CACNA2D1: variants seen among roughly 807,000 people sequenced by gnomAD.
CACNA2D1 encodes calcium voltage-gated channel auxiliary subunit alpha2delta 1.
In CACNA2D1, 53 loss-of-function variants were observed where a neutral mutation model predicts 171.5. The observed-to-expected ratio is 0.31, with a 90% CI of 0.25 to 0.39. The LOEUF is 0.39. Ranked by LOEUF, CACNA2D1 falls within the 10% of genes least tolerant of loss-of-function variation. The probability of loss-of-function intolerance (pLI) is 1.00; values close to 1 mark genes in which losing one functional copy is unlikely to be tolerated. For missense variants in CACNA2D1, 903 were observed against 1,299.8 expected (o/e 0.69, Z 4.69); for synonymous variants, 442 against 443.1 (o/e 1.00, Z 0.03).
intron 3 of CACNA2D1, among the ~76,000 whole-genome samples, chr7:82,186,184 GAA>G: frequency 8.8e-6 from 1 of 113,180 alleles, no homozygotes; most frequent in African/African-American, 3.2e-5. Flanking sequence ...GAGAAGGAAG[GAA>G]GGAAGGGAGG....
At chr7:82,116,940 C>G in intron 6 of CACNA2D1, 104 bp downstream of exon 6, 2 of 1,276,072 alleles carry the variant, frequency 1.6e-6, no homozygotes, top group Admixed American at 1.7e-5. Flanking sequence ...ATATGACAAA[C>G]AAAACAATGT....
chr7:82,080,176 T>C (rs1330922421), intron 7 of CACNA2D1, among the ~76,000 whole-genome samples: 1 of 150,782 alleles, frequency 6.6e-6, no homozygotes, highest in African/African-American at 2.4e-5. Flanking sequence ...GGTGTGTATA[T>C]ATATAAAAAT....
intron 5 of CACNA2D1, among the ~76,000 whole-genome samples, chr7:82,123,554 A>G (rs1789988982): frequency 6.6e-6 from 1 of 152,170 alleles, no homozygotes; most frequent in African/African-American, 2.4e-5. Flanking sequence ...TTAAGTCTCA[A>G]TTTACAGCAG....
intron 3 of CACNA2D1, among the ~76,000 whole-genome samples, chr7:82,310,199 A>G (rs1814255911): frequency 6.6e-6 from 1 of 151,952 alleles, no homozygotes; most frequent in South Asian, 2.1e-4. Context: ...CTAGGTTTTC[A>G]CTAGAAATTA....
chr7:82,186,656 C>A (rs1797815788), intron 3 of CACNA2D1, among the ~76,000 whole-genome samples: 1 of 152,136 alleles, frequency 6.6e-6, no homozygotes, highest in Middle Eastern at 3.4e-3. Flanking sequence ...TTATTATACA[C>A]TATTTTATCA....
chr7:82,034,998 T>C (rs193249298), intron 11 of CACNA2D1, among the ~76,000 whole-genome samples: 2 of 152,246 alleles, frequency 1.3e-5, no homozygotes, highest in East Asian at 1.9e-4. Flanking sequence ...AAATTTTCCA[T>C]GCATTTGCAA....
At chr7:81,973,005 G>A (rs1050653813) in intron 25 of CACNA2D1, among the ~76,000 whole-genome samples, 4 of 151,952 alleles carry the variant, frequency 2.6e-5, no homozygotes, top group Non-Finnish European at 5.9e-5. Flanking sequence ...GAAAGTAAAT[G>A]TTCTAATTGC....
rs1188829368 is a variant in CACNA2D1 at position 82,276,630 on chromosome 7, G to T, written c.294+58505C>A. ...ATATATTCTTTCAATAAATATGTCT[G>T]CCATTTAAGTCAGCTTGTCACTCTA... is the stretch of plus-strand genomic sequence containing the variant. On this transcript the variant is annotated intron_variant, in intron 3 of 38. Transcript: ENST00000356860. Among the ~76,000 whole-genome samples the T allele has an allele frequency of 2.0e-5, 3 of 152,218 alleles. No homozygotes were observed. The East Asian group carries it at 5.8e-4, about 29-fold the overall frequency.
At chr7:82,394,151 A>T (rs961621575) in intron 1 of CACNA2D1, among the ~76,000 whole-genome samples, 1 of 152,088 alleles carries the variant, frequency 6.6e-6, no homozygotes, top group Admixed American at 6.6e-5. Flanking sequence ...TTGAAAATGG[A>T]GGGGGAGGGG....
intron 1 of CACNA2D1, among the ~76,000 whole-genome samples, chr7:82,409,538 G>T (rs1827419120): frequency 6.6e-6 from 1 of 152,016 alleles, no homozygotes; most frequent in Non-Finnish European, 1.5e-5. Flanking sequence ...AAATCATCTG[G>T]GTAAATTCTT....
intron 18 of CACNA2D1, 146 bp downstream of exon 18, chr7:82,005,277 C>A: frequency 1.5e-6 from 1 of 661,660 alleles, no homozygotes; most frequent in South Asian, 1.8e-5. Context: ...CATGTGTGGT[C>A]CTTGTCATCT....
chr7:81,950,575 A>C, intron 38 of CACNA2D1, 67 bp from the exon 39 acceptor site: 1 of 1,534,282 alleles, frequency 6.5e-7, no homozygotes, highest in Admixed American at 2.0e-5. Flanking sequence ...AATATTTAGT[A>C]ACACATCTTT....
chr7:82,060,763 T>A (rs1806791659), intron 9 of CACNA2D1, among the ~76,000 whole-genome samples: 1 of 152,000 alleles, frequency 6.6e-6, no homozygotes, highest in Non-Finnish European at 1.5e-5. Flanking sequence ...ACTGAAATTA[T>A]CAAAATTACA....
At chr7:82,125,255 G>A (rs928034779) in intron 5 of CACNA2D1, among the ~76,000 whole-genome samples, 2 of 152,174 alleles carry the variant, frequency 1.3e-5, no homozygotes, top group Admixed American at 1.3e-4. Flanking sequence ...GGGAATTCTA[G>A]GTTGAACTTA....
intron 13 of CACNA2D1, among the ~76,000 whole-genome samples, chr7:82,014,044 A>G (rs1380640980): frequency 1.3e-5 from 2 of 152,068 alleles, no homozygotes; most frequent in Non-Finnish European, 2.9e-5. Flanking sequence ...TAAACCACTC[A>G]GAGAAAAAAA....
intron 26 of CACNA2D1, 140 bp from the exon 27 acceptor site, chr7:81,970,877 TTAAA>T: frequency 4.6e-6 from 3 of 656,300 alleles, no homozygotes; most frequent in East Asian, 5.5e-5. Context: ...TTTTAATAAT[TTAAA>T]TATCTATTAA....
In CACNA2D1 at chr7:82,181,023, A is replaced by C. The variant is rs183208583; in HGVS notation, c.295-10414T>G. Among the ~76,000 whole-genome samples, 4 of 114,220 alleles carry C rather than the reference A, an allele frequency of 3.5e-5. No homozygotes were observed. The East Asian group carries it at 1.1e-3, about 31-fold the overall frequency. 74.9% of individuals were successfully genotyped at this position (114,220 alleles called of 152,430 possible). On this transcript the variant is annotated intron_variant, in intron 3 of 38. Transcript: ENST00000356860. ...GGCCATTAGGTTTATCATGGTCAGC[A>C]GCTGTGGGGCATGTCGGATTTTTTT...
chr7:82,007,706 G>T lies in CACNA2D1; in HGVS notation c.1413C>A (p.Gly471=). The T allele has an allele frequency of 6.3e-7, 1 of 1,595,208 alleles. No homozygotes were observed. Among genetic ancestry groups the T allele is most frequent in the Non-Finnish European group, 8.6e-7 (1 of 1,163,348 alleles). ...TGTLPVFNIT[G]QFENKTNLKN... Reference sequence around the variant, plus strand: ...TTAAGTTTGTCTTATTTTCAAATTGGCCGGTTATGTTGAAGACCGGAAGAG... The same window carrying T: ...TTAAGTTTGTCTTATTTTCAAATTGTCCGGTTATGTTGAAGACCGGAAGAG... The change falls in exon 16 of 39, where the codon GGC becomes GGA. Residue 471 remains glycine, a synonymous_variant. Coordinates refer to ENST00000356860, the MANE Select transcript of CACNA2D1 (RefSeq NM_000722.4).
chr7:82,159,095 C>T (rs904961679), intron 4 of CACNA2D1, among the ~76,000 whole-genome samples: 5 of 151,844 alleles, frequency 3.3e-5, no homozygotes, highest in Non-Finnish European at 5.9e-5. Flanking sequence ...AGGGGATAAT[C>T]AGATGCTGCA....
Sources: gnomAD v4.1 joint callset for allele counts (sites outside exome capture counted in the v4.1 genomes callset) on GRCh38, gnomAD v4.1.1 for gene constraint, MANE v1.5 for transcripts, NCBI Gene and HGNC (gene_info 2026-07-23, HGNC 2026-07-21) for gene names.